CNKSR2: variants seen among roughly 807,000 people sequenced by gnomAD.
CNKSR2 encodes connector enhancer of kinase suppressor of Ras 2.
CNKSR2 carries 14 observed loss-of-function variants against 84.4 expected under a neutral mutation model. The ratio of observed to expected loss-of-function variants is 0.17; its 90% CI spans 0.11 to 0.26. CNKSR2 has a LOEUF of 0.26. Among genes scored for constraint, CNKSR2 ranks in the 10% least tolerant of loss-of-function variants. The pLI is 1.00. For synonymous variants in CNKSR2, 275 were observed against 277.9 expected (o/e 0.99, Z 0.10); for missense variants, 485 against 771.2 (o/e 0.63, Z 4.40).
chrX:21,460,408 A>G (rs978597693), intron 4 of CNKSR2, among the ~76,000 whole-genome samples: 3 of 111,659 alleles, frequency 2.7e-5, no homozygotes, highest in African/African-American at 9.7e-5. Context: ...TGCATATTTC[A>G]AATTTTTTGT....
At chrX:21,616,118 A>C (rs1157854929) in intron 20 of CNKSR2, among the ~76,000 whole-genome samples, 2 of 111,617 alleles carry the variant, frequency 1.8e-5, no homozygotes, top group African/African-American at 6.5e-5. Flanking sequence ...TCCTTTCCTG[A>C]CAACCCAGTC....
At chrX:21,552,964 A>G (rs1020766543) in intron 11 of CNKSR2, among the ~76,000 whole-genome samples, 1 of 112,126 alleles carries the variant, frequency 8.9e-6, no homozygotes, top group South Asian at 3.7e-4. Context: ...CCATTTAAAA[A>G]TGTACATATG....
chrX:21,638,789 G>A (rs1220400396), intron 20 of CNKSR2, among the ~76,000 whole-genome samples: 1 of 111,857 alleles, frequency 8.9e-6, no homozygotes, highest in African/African-American at 3.3e-5. Flanking sequence ...TATAGTTAGA[G>A]TAACAGCCAA....
At chrX:21,611,641 T>C (rs769373618) in intron 20 of CNKSR2, among the ~76,000 whole-genome samples, 1 of 112,203 alleles carries the variant, frequency 8.9e-6, no homozygotes. Context: ...GTGGATTGGA[T>C]TTTTTAGCCA....
At chrX:21,435,199 AT>A (rs2090687426) in intron 3 of CNKSR2, among the ~76,000 whole-genome samples, 1 of 110,427 alleles carries the variant, frequency 9.1e-6, no homozygotes, top group African/African-American at 3.3e-5. Flanking sequence ...ATAGAACTTC[AT>A]TTATAGAAAA....
intron 11 of CNKSR2, among the ~76,000 whole-genome samples, chrX:21,554,103 A>G (rs767640898): frequency 1.8e-5 from 2 of 111,769 alleles, no homozygotes; most frequent in African/African-American, 3.2e-5. Flanking sequence ...CCAAACTCCA[A>G]TGTGTATGTA....
intron 20 of CNKSR2, among the ~76,000 whole-genome samples, chrX:21,613,955 A>G (rs1359084044): frequency 9.2e-6 from 1 of 109,193 alleles, no homozygotes. Context: ...AAAAAAAAAG[A>G]AAGAAAGAAA....
At chrX:21,472,885 G>A (rs1262711261) in intron 5 of CNKSR2, among the ~76,000 whole-genome samples, 1 of 109,261 alleles carries the variant, frequency 9.2e-6, no homozygotes, top group African/African-American at 3.3e-5. Context: ...ATCTCTTTGG[G>A]GTTATAAAAT....
At chrX:21,577,558 G>T (rs1341987234) in intron 13 of CNKSR2, among the ~76,000 whole-genome samples, 1 of 110,260 alleles carries the variant, frequency 9.1e-6, no homozygotes, top group Non-Finnish European at 1.9e-5. Context: ...TCCCTTTTAT[G>T]TTGTAGACGT....
intron 12 of CNKSR2, among the ~76,000 whole-genome samples, chrX:21,562,042 C>T (rs191658785): frequency 2.5e-4 from 27 of 108,811 alleles, no homozygotes; most frequent in Non-Finnish European, 4.0e-4. Flanking sequence ...AAAAAAAAAC[C>T]GTGCTTTTTT....
At chrX:21,563,152 G>T in intron 12 of CNKSR2, 86 bp from the exon 13 acceptor site, 1 of 741,412 alleles carries the variant, frequency 1.3e-6, no homozygotes, top group Non-Finnish European at 1.9e-6. Flanking sequence ...TTACTTTTGC[G>T]CCAACCTAAT....
intron 15 of CNKSR2, chrX:21,593,478 A>G (rs1355952997): frequency 8.9e-6 from 1 of 111,757 alleles, no homozygotes; most frequent in Admixed American, 9.6e-5. Flanking sequence ...AACTTGATAT[A>G]TAAGGAGCTA....
At chrX:21,620,964 C>T (rs1003367536) in intron 20 of CNKSR2, among the ~76,000 whole-genome samples, 4 of 111,749 alleles carry the variant, frequency 3.6e-5, no homozygotes, top group African/African-American at 1.3e-4. Flanking sequence ...ATGGTTTCTT[C>T]CAATTCTAAA....
Position 21,614,417 on chromosome X carries a change from A to T in CNKSR2, c.2692+4800A>T, listed in dbSNP as rs1409688640. On this transcript the variant is annotated intron_variant, in intron 20 of 21. Coordinates refer to ENST00000379510, the MANE Select transcript of CNKSR2 (RefSeq NM_014927.5). ...TTTAAAGAGCATAATCATCATTAAT[A>T]TCTTAAGTTATAGTTCATGTCTAAA... is the stretch of plus-strand genomic sequence containing the variant. Among the ~76,000 whole-genome samples, 4 of 111,965 alleles carry T rather than the reference A, an allele frequency of 3.6e-5. No homozygotes were observed. The East Asian group carries it at 1.1e-3, about 31-fold the overall frequency.
At chrX:21,619,234 G>GA (rs1376692323) in intron 20 of CNKSR2, among the ~76,000 whole-genome samples, 1 of 111,873 alleles carries the variant, frequency 8.9e-6, no homozygotes. Flanking sequence ...TCAATGAACT[G>GA]AACTTCATAT....
chrX:21,446,746 T>C (rs1232725985), intron 4 of CNKSR2, among the ~76,000 whole-genome samples: 1 of 111,074 alleles, frequency 9.0e-6, no homozygotes, highest in African/African-American at 3.3e-5. Flanking sequence ...AGAAGGAGAA[T>C]AGATGAGGGT....
At chrX:21,605,315 G>T (rs955302527) in intron 18 of CNKSR2, among the ~76,000 whole-genome samples, 3 of 111,528 alleles carry the variant, frequency 2.7e-5, no homozygotes, top group Non-Finnish European at 5.7e-5. Context: ...ATGAACCAAT[G>T]GAAAAAAAAC....
intron 10 of CNKSR2, among the ~76,000 whole-genome samples, chrX:21,529,368 A>G (rs1165333842): frequency 2.7e-5 from 3 of 111,397 alleles, no homozygotes; most frequent in African/African-American, 9.7e-5. Flanking sequence ...ATCATTATAT[A>G]TAGTACATTT....
At chrX:21,529,861 T>C (rs1176122154) in intron 10 of CNKSR2, among the ~76,000 whole-genome samples, 1 of 111,182 alleles carries the variant, frequency 9.0e-6, no homozygotes, top group Non-Finnish European at 1.9e-5. Flanking sequence ...CATATTATTA[T>C]AGGAAATACC....
Sources: allele counts gnomAD v4.1 joint callset (sites outside exome capture counted in the v4.1 genomes callset), GRCh38; gene constraint gnomAD v4.1.1; transcripts MANE v1.5; gene names NCBI Gene and HGNC (gene_info 2026-07-23, HGNC 2026-07-21).